Variants in NELL1 observed in about 807,000 individuals in gnomAD.
The protein encoded by NELL1 is neural EGFL like 1, also known as protein kinase C-binding protein NELL1.
NELL1 carries 76 observed loss-of-function variants against 107.4 expected under a neutral mutation model. The ratio of observed to expected loss-of-function variants is 0.71; its 90% CI spans 0.59 to 0.86. The LOEUF (loss-of-function observed/expected upper bound fraction) is 0.86, where lower values mean the gene tolerates loss of function less well. NELL1 is among the 40% of genes least tolerant of loss of function. The probability of loss-of-function intolerance (pLI) is 0.00; values close to 1 mark genes in which losing one functional copy is unlikely to be tolerated. For synonymous variants in NELL1, 353 were observed against 341.2 expected (o/e 1.03, Z -0.38); for missense variants, 1,024 against 1,005.5 (o/e 1.02, Z -0.25).
chr11:20,964,890 C>T (rs190066639), intron 12 of NELL1, among the ~76,000 whole-genome samples: 43 of 151,962 alleles, frequency 2.8e-4, no homozygotes, highest in African/African-American at 9.9e-4. Context: ...ATGAAGATGA[C>T]ATGGAACCGT....
At chr11:20,960,258 A>T (rs1851263055) in intron 11 of NELL1, among the ~76,000 whole-genome samples, 174 bp from the exon 12 acceptor site, 1 of 152,180 alleles carries the variant, frequency 6.6e-6, no homozygotes, top group South Asian at 2.1e-4. Context: ...CGCCTTGGAC[A>T]GCCCAAAGTT....
chr11:20,996,743 C>T (rs1289633350), intron 12 of NELL1, among the ~76,000 whole-genome samples: 1 of 152,188 alleles, frequency 6.6e-6, no homozygotes, highest in Non-Finnish European at 1.5e-5. Context: ...TCTAGACTTC[C>T]AGACAGCAAA....
intron 2 of NELL1, among the ~76,000 whole-genome samples, chr11:20,700,188 G>T (rs1187146322): frequency 6.6e-6 from 1 of 152,084 alleles, no homozygotes; most frequent in Non-Finnish European, 1.5e-5. Flanking sequence ...TGGATAATAT[G>T]TATTTCAATA....
At chr11:21,174,398 A>G (rs548417330) in intron 13 of NELL1, among the ~76,000 whole-genome samples, 1 of 151,986 alleles carries the variant, frequency 6.6e-6, no homozygotes, top group South Asian at 2.1e-4. Flanking sequence ...AGTAGCACTT[A>G]TAGTGGTGAG....
intron 13 of NELL1, among the ~76,000 whole-genome samples, chr11:21,152,325 G>T (rs531296930): frequency 6.6e-6 from 1 of 152,056 alleles, no homozygotes; most frequent in Non-Finnish European, 1.5e-5. Flanking sequence ...CTTTCCCAGC[G>T]TAGTATTTTG....
At chr11:20,838,521 T>A (rs1848570850) in intron 3 of NELL1, among the ~76,000 whole-genome samples, 1 of 151,148 alleles carries the variant, frequency 6.6e-6, no homozygotes, top group African/African-American at 2.4e-5. Flanking sequence ...TGTAAAAGAG[T>A]TTATCATAAA....
intron 3 of NELL1, among the ~76,000 whole-genome samples, chr11:20,811,181 C>G (rs75970462): frequency 3.3e-5 from 5 of 152,100 alleles, no homozygotes; most frequent in Non-Finnish European, 7.4e-5. Flanking sequence ...TAAGAAATAA[C>G]GGTCTAATTT....
chr11:21,092,502 A>G (rs192811202), intron 12 of NELL1, among the ~76,000 whole-genome samples: 1 of 152,200 alleles, frequency 6.6e-6, no homozygotes, highest in Admixed American at 6.5e-5. Flanking sequence ...CACGTGGGAA[A>G]TGTGCAGAAA....
At chr11:20,800,283 A>G (rs1857256967) in intron 3 of NELL1, among the ~76,000 whole-genome samples, 1 of 152,216 alleles carries the variant, frequency 6.6e-6, no homozygotes, top group African/African-American at 2.4e-5. Context: ...TGCTTTCCAA[A>G]GTGATTAAAC....
intron 15 of NELL1, among the ~76,000 whole-genome samples, chr11:21,390,510 A>AACACACACACACACACACACACACAC (rs60248049): frequency 8.4e-5 from 12 of 142,774 alleles, no homozygotes; most frequent in African/African-American, 1.3e-4. Context: ...TGTGTGGATG[A>AACACACACACACACACACACACACAC]ACACACACAC....
At chr11:21,260,369 G>A (rs1459222283) in intron 14 of NELL1, 2 of 151,852 alleles carry the variant, frequency 1.3e-5, no homozygotes, top group Non-Finnish European at 2.9e-5. Context: ...TATATCAACA[G>A]AATATCTTCA....
intron 2 of NELL1, among the ~76,000 whole-genome samples, chr11:20,724,106 C>T (rs1217230828): frequency 6.6e-6 from 1 of 151,956 alleles, no homozygotes; most frequent in Admixed American, 6.6e-5. Flanking sequence ...GGCCCTGGGC[C>T]TGGCCTATGA....
intron 2 of NELL1, chr11:20,770,751 G>A (rs1227297700): frequency 2.6e-5 from 4 of 152,152 alleles, no homozygotes; most frequent in Non-Finnish European, 5.9e-5. Context: ...TATTATTCCT[G>A]TCAGAAATAC....
intron 15 of NELL1, among the ~76,000 whole-genome samples, chr11:21,481,349 A>C (rs1471115430): frequency 6.6e-6 from 1 of 152,206 alleles, no homozygotes; most frequent in East Asian, 1.9e-4. Context: ...AAATGATGAA[A>C]GTTCCATGAG....
intron 12 of NELL1, among the ~76,000 whole-genome samples, chr11:21,099,270 A>G (rs1384410885): frequency 1.3e-5 from 2 of 151,422 alleles, no homozygotes; most frequent in Admixed American, 1.3e-4. Flanking sequence ...CTGTCATCCC[A>G]TGGCATAGTC....
chr11:20,928,359 A>G lies in NELL1; in HGVS notation c.895-18A>G, dbSNP rs1850544810. Reference sequence around the variant, plus strand: ...AAGGATACTTCTGAGATTATGTTCCATGTCCTTCCTTCCTCAGAGTGGTGC... The same window carrying G: ...AAGGATACTTCTGAGATTATGTTCCGTGTCCTTCCTTCCTCAGAGTGGTGC... On this transcript the variant is annotated intron_variant, in intron 8 of 19. Coordinates refer to ENST00000357134, the MANE Select transcript of NELL1 (RefSeq NM_006157.5). The G allele has an allele frequency of 2.5e-6, 4 of 1,602,608 alleles. No homozygotes were observed. Among genetic ancestry groups the G allele is most frequent in the African/African-American group, 1.3e-5 (1 of 74,590 alleles).
chr11:21,534,067 A>G (rs1406309700), intron 15 of NELL1, among the ~76,000 whole-genome samples: 1 of 152,208 alleles, frequency 6.6e-6, no homozygotes, highest in Non-Finnish European at 1.5e-5. Flanking sequence ...TATACACCCA[A>G]TACCAAAACT....
Position 20,784,269 on chromosome 11 carries a change from T to C in NELL1, c.335+439T>C, listed in dbSNP as rs545547662. ...ATAGACAAATAAATATAATAAAGTATTGAAGATGCAATGCCAGAAGGTTGT... is the reference window on the plus strand; with the variant it reads ...ATAGACAAATAAATATAATAAAGTACTGAAGATGCAATGCCAGAAGGTTGT... On this transcript the variant is annotated intron_variant, in intron 3 of 19. Transcript: ENST00000357134. Among the ~76,000 whole-genome samples the C allele has an allele frequency of 2.0e-5, 3 of 152,298 alleles. No individual in the cohort carries two copies. The East Asian group carries it at 5.8e-4, about 29-fold the overall frequency.
chr11:21,358,104 C>T (rs143493949), intron 14 of NELL1, among the ~76,000 whole-genome samples: 2,367 of 152,132 alleles, frequency 0.016, 28 homozygotes, highest in Non-Finnish European at 0.02. Flanking sequence ...GTTCTTTTTG[C>T]TTAGTATTGC....
Sources: allele counts gnomAD v4.1 joint callset (sites outside exome capture counted in the v4.1 genomes callset), GRCh38; gene constraint gnomAD v4.1.1; transcripts MANE v1.5; gene names NCBI Gene and HGNC (gene_info 2026-07-23, HGNC 2026-07-21).